Variants in STPG2 observed in about 807,000 individuals in gnomAD.
STPG2 encodes sperm-tail PG-rich repeat-containing protein 2.
Under a neutral mutation model 54.2 loss-of-function variants are expected in STPG2, and 56 were observed. That is an observed-to-expected ratio of 1.03 (90% confidence interval 0.83 to 1.29). The LOEUF (loss-of-function observed/expected upper bound fraction) is 1.29, where lower values mean the gene tolerates loss of function less well. Ranked by LOEUF, STPG2 falls within the 50% of genes most tolerant of loss-of-function variation. STPG2 has a pLI of 0.00. For missense variants in STPG2, 596 were observed against 544.9 expected, an observed-to-expected ratio of 1.09 and a Z score of -0.93; for synonymous variants, 200 against 181.8, an observed-to-expected ratio of 1.10 and a Z score of -0.81.
intron 8 of STPG2, among the ~76,000 whole-genome samples, chr4:97,880,579 A>G (rs1244670158): frequency 6.6e-6 from 1 of 152,290 alleles, no homozygotes; most frequent in Non-Finnish European, 1.5e-5. Context: ...ATAATCCTAC[A>G]TTAAAAATGA....
chr4:97,847,326 T>C (rs1728985250), intron 8 of STPG2, among the ~76,000 whole-genome samples: 1 of 152,176 alleles, frequency 6.6e-6, no homozygotes, highest in Admixed American at 6.6e-5. Flanking sequence ...TGTAAACATA[T>C]GCCTCGTAAA....
intron 8 of STPG2, among the ~76,000 whole-genome samples, chr4:97,928,056 G>A (rs1254200366): frequency 2.6e-5 from 4 of 152,124 alleles, no homozygotes; most frequent in African/African-American, 9.7e-5. Flanking sequence ...CCTCTGGTAA[G>A]TAGAAAGGGT....
intron 9 of STPG2, among the ~76,000 whole-genome samples, chr4:97,753,033 T>C (rs1367508537): frequency 1.3e-5 from 2 of 151,902 alleles, no homozygotes; most frequent in South Asian, 2.1e-4. Flanking sequence ...AATTCATAAA[T>C]AAAAACCTCA....
chr4:98,125,811 C>T (rs939274474), intron 3 of STPG2, among the ~76,000 whole-genome samples: 14 of 152,320 alleles, frequency 9.2e-5, no homozygotes, highest in Admixed American at 8.5e-4. Context: ...CTGCCCCTCC[C>T]GCCAGGGGCT....
intron 10 of STPG2, among the ~76,000 whole-genome samples, chr4:97,673,578 T>C (rs1182420657): frequency 6.6e-6 from 1 of 152,184 alleles, no homozygotes; most frequent in Non-Finnish European, 1.5e-5. Context: ...TCCCCTTCTT[T>C]CAAAAGTCTT....
chr4:97,661,589 C>A (rs1306237217), intron 10 of STPG2, among the ~76,000 whole-genome samples: 1 of 152,024 alleles, frequency 6.6e-6, no homozygotes, highest in African/African-American at 2.4e-5. Context: ...ATCAATATCT[C>A]TACAAATGGA....
chr4:97,593,908 T>C (rs962609335), intron 10 of STPG2, among the ~76,000 whole-genome samples: 1 of 152,120 alleles, frequency 6.6e-6, no homozygotes, highest in Non-Finnish European at 1.5e-5. Context: ...CGAGCCATGA[T>C]GCCTTAAGTT....
intron 10 of STPG2, among the ~76,000 whole-genome samples, chr4:97,617,262 G>A (rs190871348): frequency 5.3e-5 from 8 of 151,700 alleles, no homozygotes; most frequent in African/African-American, 1.4e-4. Flanking sequence ...ATAACAAGCA[G>A]AAAAAAGTGT....
intron 5 of STPG2, among the ~76,000 whole-genome samples, chr4:98,028,006 G>C (rs1736479674): frequency 1.3e-5 from 2 of 152,018 alleles, no homozygotes; most frequent in South Asian, 4.1e-4. Context: ...TCCTCTACAG[G>C]TCTTTCCTAG....
At chr4:97,690,777 TA>T (rs1212164640) in intron 10 of STPG2, among the ~76,000 whole-genome samples, 3 of 151,980 alleles carry the variant, frequency 2.0e-5, no homozygotes, top group South Asian at 4.2e-4. Context: ...AAAGCTGCAT[TA>T]AAAAAAGAAA....
Position 97,687,499 on chromosome 4 carries a change from C to T in STPG2, c.1320+25200G>A, listed in dbSNP as rs183528497. 1.2e-4 allele frequency among the ~76,000 whole-genome samples: 18 copies of T among 151,924 alleles called. No homozygotes were observed. In the East Asian group the frequency reaches 2.7e-3, roughly 23 times the overall value. On this transcript the variant is annotated intron_variant, in intron 10 of 10. Transcript: ENST00000295268. ...GGATTACAGGCGCATGCCACCATGCCCAGCTAATTTTTGTATTTTTAGTAG... is the reference window on the plus strand; with the variant it reads ...GGATTACAGGCGCATGCCACCATGCTCAGCTAATTTTTGTATTTTTAGTAG...
At chr4:97,575,707 G>T (rs917972443) in intron 10 of STPG2, among the ~76,000 whole-genome samples, 1 of 151,998 alleles carries the variant, frequency 6.6e-6, no homozygotes, top group African/African-American at 2.4e-5. Flanking sequence ...ACTAAAACAA[G>T]AAAAGGATAC....
At chr4:97,506,880 TAC>T (rs1236676140) in intron 4 of STPG2, among the ~76,000 whole-genome samples, 5 of 151,942 alleles carry the variant, frequency 3.3e-5, no homozygotes, top group African/African-American at 4.8e-5. Context: ...GATGGAGCAA[TAC>T]ATTAAAAATA....
At chr4:98,055,897 T>G (rs996033347) in intron 5 of STPG2, among the ~76,000 whole-genome samples, 1 of 152,032 alleles carries the variant, frequency 6.6e-6, no homozygotes, top group Non-Finnish European at 1.5e-5. Context: ...GCCCACACCA[T>G]AGCTTCTGCA....
rs566940174 is a variant in STPG2, at chr4:97,707,782, T to C, written c.1320+4917A>G. ...CAAACCTAATACCAAAGTAAAAATA[T>C]AAGGTAGCATAGAATCGAAGACAAA... On this transcript the variant is annotated intron_variant, in intron 10 of 10. Coordinates refer to ENST00000295268, the MANE Select transcript of STPG2 (RefSeq NM_174952.3). 7.1e-4 allele frequency among the ~76,000 whole-genome samples: 108 copies of C among 152,010 alleles called. 2 individuals carry two copies. The highest frequency in any genetic ancestry group is 2.0e-3 in the Admixed American group (31 of 15,270).
intron 10 of STPG2, among the ~76,000 whole-genome samples, chr4:97,616,067 T>TAC (rs1733861970): frequency 1.4e-5 from 1 of 72,446 alleles, no homozygotes; most frequent in East Asian, 3.9e-4. Context: ...AATATATATA[T>TAC]ATATATATAT....
At chr4:97,850,520 A>C (rs1729125137) in intron 8 of STPG2, among the ~76,000 whole-genome samples, 1 of 151,884 alleles carries the variant, frequency 6.6e-6, no homozygotes, top group Admixed American at 6.6e-5. Context: ...ATACTTTATA[A>C]ATTTTTTCAT....
At chr4:97,776,852 T>C (rs549741364) in intron 9 of STPG2, among the ~76,000 whole-genome samples, 4 of 152,314 alleles carry the variant, frequency 2.6e-5, no homozygotes, top group South Asian at 2.1e-4. Context: ...TTTTTCAGTA[T>C]AGTGGGATTT....
chr4:97,556,688 A>G (rs1157183246), downstream of STPG2, among the ~76,000 whole-genome samples: 2 of 152,232 alleles, frequency 1.3e-5, no homozygotes, highest in Non-Finnish European at 2.9e-5. Context: ...ATGATAAAAC[A>G]TCTAGCTCTA....
Sources: gnomAD v4.1 joint callset for allele counts (sites outside exome capture counted in the v4.1 genomes callset) on GRCh38, gnomAD v4.1.1 for gene constraint, MANE v1.5 for transcripts, NCBI Gene and HGNC (gene_info 2026-07-23, HGNC 2026-07-21) for gene names.